CDH23: variants seen among roughly 807,000 people sequenced by gnomAD.
CDH23 encodes the protein cadherin related 23, also known as cadherin-23.
A neutral mutation model predicts 317.1 loss-of-function variants in CDH23; 189 were observed. The ratio of observed to expected loss-of-function variants is 0.60; its 90% CI spans 0.53 to 0.67. The LOEUF (loss-of-function observed/expected upper bound fraction) is 0.67, where lower values mean the gene tolerates loss of function less well. Ranked by LOEUF, CDH23 falls within the 30% of genes least tolerant of loss-of-function variation. CDH23 has a pLI of 0.00. For synonymous variants in CDH23, 1,839 were observed against 1,876.8 expected (o/e 0.98, Z 0.52); for missense variants, 4,401 against 4,592.4 (o/e 0.96, Z 1.20).
At chr10:71,630,895 T>C (rs1325887434) in intron 11 of CDH23, among the ~76,000 whole-genome samples, 1 of 152,164 alleles carries the variant, frequency 6.6e-6, no homozygotes, top group Non-Finnish European at 1.5e-5. Flanking sequence ...TCTACCACCA[T>C]GTGGATCCAG....
intron 1 of CDH23, among the ~76,000 whole-genome samples, chr10:71,420,974 C>A (rs1848785336): frequency 1.3e-5 from 2 of 152,156 alleles, no homozygotes; most frequent in African/African-American, 2.4e-5. Context: ...AACCATAGGA[C>A]CCCCAGAGGC....
chr10:71,720,427 A>ACACT (rs1200233381), intron 28 of CDH23, among the ~76,000 whole-genome samples: 1 of 151,368 alleles, frequency 6.6e-6, no homozygotes, highest in Non-Finnish European at 1.5e-5. Context: ...CAAAACACAC[A>ACACT]CACACACACA....
chr10:71,781,209 A>G (rs1268152269), intron 41 of CDH23, among the ~76,000 whole-genome samples: 2 of 152,128 alleles, frequency 1.3e-5, no homozygotes, highest in East Asian at 1.9e-4. Context: ...TGCAATTAAG[A>G]GGCTGGGGGA....
chr10:71,738,767 GC>G, intron 35 of CDH23, 120 bp downstream of exon 35: 1 of 1,257,564 alleles, frequency 8.0e-7, no homozygotes. Context: ...TCCGGTCTCT[GC>G]CCCTGCAATC....
At chr10:71,789,668 C>T (rs953190706) in intron 45 of CDH23, among the ~76,000 whole-genome samples, 5 of 152,166 alleles carry the variant, frequency 3.3e-5, no homozygotes, top group African/African-American at 1.2e-4. Context: ...CACATGTGCC[C>T]GTGTGTGTCC....
chr10:71,781,158 A>C (rs4746094), intron 41 of CDH23, among the ~76,000 whole-genome samples: 22,967 of 152,128 alleles, frequency 0.15, 2,019 homozygotes, highest in East Asian at 0.29. Context: ...CCAGGAAACA[A>C]AGAGCGGTGC....
At chr10:71,732,829 A>G in intron 32 of CDH23, 1 of 440,686 alleles carries the variant, frequency 2.3e-6, no homozygotes, top group Non-Finnish European at 3.1e-6. Context: ...ATCGGCAACC[A>G]ATTATCTGAC....
intron 2 of CDH23, 46 bp downstream of exon 2, chr10:71,439,944 C>T (rs932525500): frequency 3.2e-5 from 47 of 1,468,838 alleles, no homozygotes; most frequent in African/African-American, 1.7e-4. Flanking sequence ...AGCCTCTGCA[C>T]GGGAGGCCAG....
intron 28 of CDH23, among the ~76,000 whole-genome samples, chr10:71,719,093 A>T (rs1038000978): frequency 6.7e-6 from 1 of 149,064 alleles, no homozygotes; most frequent in Non-Finnish European, 1.5e-5. Context: ...AATAAAAAAT[A>T]AAAAAAAAAT....
At chr10:71,524,496 G>T (rs546978277) in intron 6 of CDH23, among the ~76,000 whole-genome samples, 46 of 152,332 alleles carry the variant, frequency 3.0e-4, no homozygotes, top group African/African-American at 1.1e-3. Context: ...AAAGGAGGAT[G>T]CCTTGCTCAG....
At chr10:71,467,435 G>A (rs1380643794) in intron 3 of CDH23, among the ~76,000 whole-genome samples, 3 of 152,318 alleles carry the variant, frequency 2.0e-5, no homozygotes, top group African/African-American at 7.2e-5. Context: ...TCCAGGCGAT[G>A]GTGATGCTGC....
chr10:71,535,514 T>A (rs2132273057), intron 6 of CDH23, among the ~76,000 whole-genome samples: 1 of 152,274 alleles, frequency 6.6e-6, no homozygotes, highest in South Asian at 2.1e-4. Flanking sequence ...GGAAAATGCC[T>A]CATGGTGAGG....
intron 57 of CDH23, among the ~76,000 whole-genome samples, chr10:71,806,526 G>A (rs1841730193): frequency 6.7e-6 from 1 of 148,336 alleles, no homozygotes; most frequent in Non-Finnish European, 1.5e-5. Context: ...TGATAGCCCT[G>A]TCTTTGCCTG....
chr10:71,576,196 A>T (rs1432143371), intron 8 of CDH23, among the ~76,000 whole-genome samples: 2 of 152,076 alleles, frequency 1.3e-5, no homozygotes, highest in Admixed American at 6.6e-5. Flanking sequence ...CCCCCTGAGG[A>T]TCACTGTCCC....
chr10:71,510,856 A>G (rs1853929609), intron 4 of CDH23, 98 bp from the exon 5 acceptor site: 2 of 1,187,100 alleles, frequency 1.7e-6, no homozygotes, highest in Non-Finnish European at 2.5e-6. Context: ...GCAAGCTCCT[A>G]GGGCAATCCT....
chr10:71,612,672 G>A (rs1397572129), intron 9 of CDH23, among the ~76,000 whole-genome samples: 1 of 152,200 alleles, frequency 6.6e-6, no homozygotes, highest in Non-Finnish European at 1.5e-5. Flanking sequence ...CTGCCTGTGA[G>A]TGTGTTGGGG....
chr10:71,542,373 G>T (rs979009511), intron 6 of CDH23, among the ~76,000 whole-genome samples: 1 of 152,140 alleles, frequency 6.6e-6, no homozygotes, highest in Non-Finnish European at 1.5e-5. Context: ...CCCTAGGATC[G>T]TCCAGCTGGG....
intron 6 of CDH23, among the ~76,000 whole-genome samples, chr10:71,551,490 C>T (rs186180761): frequency 6.6e-6 from 1 of 152,272 alleles, no homozygotes; most frequent in African/African-American, 2.4e-5. Flanking sequence ...ACTTCCTGAT[C>T]GGTTGGTTAT....
chr10:71,484,101 G>A (rs558120686), intron 3 of CDH23, among the ~76,000 whole-genome samples: 16 of 152,220 alleles, frequency 1.1e-4, no homozygotes, highest in South Asian at 8.3e-4. Context: ...GATGTGGGGG[G>A]TGAGGGCTTG....
Sources: allele counts gnomAD v4.1 joint callset (sites outside exome capture counted in the v4.1 genomes callset), GRCh38; gene constraint gnomAD v4.1.1; transcripts MANE v1.5; gene names NCBI Gene and HGNC (gene_info 2026-07-23, HGNC 2026-07-21).